TRIM69: variants seen among roughly 807,000 people sequenced by gnomAD.
TRIM69 encodes E3 ubiquitin-protein ligase TRIM69.
A neutral mutation model predicts 37.7 loss-of-function variants in TRIM69; 29 were observed. The ratio of observed to expected loss-of-function variants is 0.77; its 90% CI spans 0.57 to 1.05. The LOEUF is 1.05. Ranked by LOEUF, TRIM69 falls within the 50% of genes least tolerant of loss-of-function variation. TRIM69 has a pLI of 0.00. For missense variants in TRIM69, 596 were observed against 579.9 expected (o/e 1.03, Z -0.28); for synonymous variants, 209 against 212.4 (o/e 0.98, Z 0.14).
chr15:44,752,422 T>G (rs1414542081), intron 1 of TRIM69, among the ~76,000 whole-genome samples: 1 of 152,214 alleles, frequency 6.6e-6, no homozygotes, highest in African/African-American at 2.4e-5. Context: ...AAGTCTATTT[T>G]ACTTGATATT....
At chr15:44,751,414 C>T (rs1345991369) in intron 1 of TRIM69, among the ~76,000 whole-genome samples, 7 of 152,034 alleles carry the variant, frequency 4.6e-5, no homozygotes, top group Admixed American at 3.3e-4. Context: ...CCACACCTGG[C>T]CTTTTAAAAA....
At chr15:44,738,365 T>C (rs6493118) in intron 1 of TRIM69, among the ~76,000 whole-genome samples, 144,615 of 152,026 alleles carry the variant, frequency 0.95, 68,949 homozygotes, top group African/African-American at 0.99. Flanking sequence ...TGGGCCATCG[T>C]GACCTGCTGA....
Position 44,759,620 on chromosome 15 carries a change from CTCTT to C in TRIM69, c.814-16_814-13del. 1.2e-6 allele frequency: 2 copies of C among 1,612,984 alleles called. No homozygotes were observed. The highest frequency in any genetic ancestry group is 1.7e-4 in the Middle Eastern group (1 of 5,836). On this transcript the variant is annotated splice_polypyrimidine_tract_variant and intron_variant, in intron 4 of 6. Transcript: ENST00000329464. ...GTTGATGAACGGGCATCTGATGTCT[CTCTT>C]TCTCCTTTCTTCTAGGACATCACAA...
Position 44,755,385 on chromosome 15 carries a change from G to C in TRIM69, c.483+9G>C. 1 of 1,597,168 alleles carries C rather than the reference G, an allele frequency of 6.3e-7. No individual in the cohort carries two copies. The highest frequency in any genetic ancestry group is 8.6e-7 in the Non-Finnish European group (1 of 1,166,426). On this transcript the variant is annotated intron_variant, in intron 2 of 6. Coordinates refer to ENST00000329464, the MANE Select transcript of TRIM69 (RefSeq NM_182985.5). ...CTGTCCATTTCTTCACGGTGGGTGA[G>C]CCCTGGGCCTTGAACAATCCCTTAG... is the stretch of plus-strand genomic sequence containing the variant.
intron 1 of TRIM69, among the ~76,000 whole-genome samples, chr15:44,738,054 CTTTTT>C (rs869285725): frequency 8.5e-5 from 2 of 23,454 alleles, no homozygotes; most frequent in Non-Finnish European, 1.3e-4. Context: ...TTCTTTCTTT[CTTTTT>C]TTTTTTTTTT....
At chr15:44,737,559 C>T (rs187919833) in intron 1 of TRIM69, among the ~76,000 whole-genome samples, 32 of 152,218 alleles carry the variant, frequency 2.1e-4, no homozygotes, top group African/African-American at 5.8e-4. Context: ...TAGTGAGTTT[C>T]CCATTACTTC....
intron 4 of TRIM69, among the ~76,000 whole-genome samples, chr15:44,759,135 G>A (rs1475885925): frequency 6.6e-6 from 1 of 152,144 alleles, no homozygotes; most frequent in East Asian, 1.9e-4. Context: ...TAAAGAGCTT[G>A]ATGCTTTATT....
chr15:44,740,928 A>T (rs1277952397), intron 1 of TRIM69, among the ~76,000 whole-genome samples: 4 of 152,182 alleles, frequency 2.6e-5, no homozygotes, highest in Admixed American at 1.3e-4. Flanking sequence ...GTTAACAAGG[A>T]TACCCAGGAA....
intron 6 of TRIM69, among the ~76,000 whole-genome samples, chr15:44,761,385 T>A (rs1306175469): frequency 6.6e-6 from 1 of 152,240 alleles, no homozygotes; most frequent in Non-Finnish European, 1.5e-5. Context: ...TTCCAAAACT[T>A]GATATTGTCA....
intron 1 of TRIM69, among the ~76,000 whole-genome samples, chr15:44,738,192 G>C (rs542131401): frequency 2.4e-4 from 36 of 150,974 alleles, no homozygotes; most frequent in Non-Finnish European, 2.8e-4. Flanking sequence ...CCAAATAGCT[G>C]GGACTGCAGG....
At chr15:44,758,113 T>A (rs1389260179) in intron 3 of TRIM69, 1 of 157,996 alleles carries the variant, frequency 6.3e-6, no homozygotes, top group African/African-American at 2.4e-5. Flanking sequence ...ATGAGGAGAA[T>A]GAGGAACTGA....
At chr15:44,738,854 T>C (rs2087218311) in intron 1 of TRIM69, among the ~76,000 whole-genome samples, 1 of 152,210 alleles carries the variant, frequency 6.6e-6, no homozygotes. Context: ...ATGTAAATCC[T>C]CTTCCACAGT....
At chr15:44,759,576 C>A (rs773680420) in intron 4 of TRIM69, 64 bp from the exon 5 acceptor site, 25 of 1,577,494 alleles carry the variant, frequency 1.6e-5, no homozygotes, top group Non-Finnish European at 2.1e-5. Flanking sequence ...TGGCTGGTAT[C>A]ACCAAAGAAA....
chr15:44,753,373 C>T (rs1308846830), intron 1 of TRIM69: 1 of 152,152 alleles, frequency 6.6e-6, no homozygotes, highest in Non-Finnish European at 1.5e-5. Context: ...CCACCTTGGC[C>T]TCCCAAAGTG....
chr15:44,739,562 G>A (rs1386156361), intron 1 of TRIM69, among the ~76,000 whole-genome samples: 1 of 152,202 alleles, frequency 6.6e-6, no homozygotes, highest in African/African-American at 2.4e-5. Flanking sequence ...AAAGAACGGT[G>A]CACCAGGAGA....
intron 6 of TRIM69, among the ~76,000 whole-genome samples, chr15:44,765,771 AC>A: frequency 9.4e-6 from 1 of 106,486 alleles, no homozygotes; most frequent in Non-Finnish European, 2.0e-5. Context: ...ACAAAACAAA[AC>A]AAACAAACAA....
At chr15:44,738,090 A>T (rs1596010246) in intron 1 of TRIM69, among the ~76,000 whole-genome samples, 1 of 133,078 alleles carries the variant, frequency 7.5e-6, no homozygotes. Flanking sequence ...ACAGAGTCTC[A>T]CTCTCTTGCT....
At chr15:44,744,511 A>G (rs1484495609) in intron 1 of TRIM69, among the ~76,000 whole-genome samples, 3 of 152,142 alleles carry the variant, frequency 2.0e-5, no homozygotes, top group Admixed American at 1.3e-4. Flanking sequence ...CCTCCACAAA[A>G]ACTGGCAAAA....
intron 1 of TRIM69, among the ~76,000 whole-genome samples, chr15:44,737,751 C>A (rs1566885709): frequency 6.6e-6 from 1 of 152,104 alleles, no homozygotes; most frequent in Non-Finnish European, 1.5e-5. Context: ...TATAGTTTGT[C>A]TCTGTGGATG....
Sources: gnomAD v4.1 joint callset for allele counts (sites outside exome capture counted in the v4.1 genomes callset) on GRCh38, gnomAD v4.1.1 for gene constraint, MANE v1.5 for transcripts, NCBI Gene and HGNC (gene_info 2026-07-23, HGNC 2026-07-21) for gene names.